The following BTG4 variants were observed in gnomAD, a reference collection of about 807,000 sequenced individuals.
The protein encoded by BTG4 is protein BTG4.
Under a neutral mutation model 19.3 loss-of-function variants are expected in BTG4, and 10 were observed. The ratio of observed to expected loss-of-function variants is 0.52; its 90% CI spans 0.32 to 0.88. The LOEUF is 0.88. Ranked by LOEUF, BTG4 falls within the 40% of genes least tolerant of loss-of-function variation. The pLI is 0.04. For missense variants in BTG4, 238 were observed against 281.9 expected (o/e 0.84, Z 1.11); for synonymous variants, 91 against 95.7 (o/e 0.95, Z 0.29).
chr11:111,453,947 G>A, the BTG4 span, among the ~76,000 whole-genome samples: 1 of 152,190 alleles, frequency 6.6e-6, no homozygotes. Context: ...TCACAGCATG[G>A]TCCTCAGACA....
At chr11:111,386,296 T>C in the BTG4 span, 1 of 152,196 alleles carries the variant, frequency 6.6e-6, no homozygotes, top group Non-Finnish European at 1.5e-5. Flanking sequence ...TTTAGGGCTA[T>C]AACAATGAAA....
chr11:111,501,042 T>C (rs1052703152), intron 1 of BTG4, among the ~76,000 whole-genome samples: 2 of 151,520 alleles, frequency 1.3e-5, no homozygotes, highest in Non-Finnish European at 2.9e-5. Context: ...ACTCATAAGG[T>C]TGTAATTAAG....
intron 1 of BTG4, 126 bp from the exon 2 acceptor site, chr11:111,498,928 G>T (rs1336302906): frequency 1.6e-5 from 10 of 637,210 alleles, no homozygotes; most frequent in East Asian, 3.0e-5. Flanking sequence ...CTAGAAAGAA[G>T]TCCTTAGTAA....
intron 1 of BTG4, among the ~76,000 whole-genome samples, chr11:111,508,827 T>C (rs1866646696): frequency 6.7e-6 from 1 of 150,068 alleles, no homozygotes; most frequent in African/African-American, 2.4e-5. Context: ...TTAAGATATA[T>C]TCATATTACA....
At chr11:111,433,309 T>G in the BTG4 span, among the ~76,000 whole-genome samples, 1 of 152,194 alleles carries the variant, frequency 6.6e-6, no homozygotes, top group African/African-American at 2.4e-5. Flanking sequence ...AGGGAAAGGA[T>G]TCCCTATTTA....
At chr11:111,474,491 T>C (rs575859995) in intron 5 of BTG4, among the ~76,000 whole-genome samples, 1 of 152,316 alleles carries the variant, frequency 6.6e-6, no homozygotes, top group African/African-American at 2.4e-5. Context: ...TTCATTCACA[T>C]TGTGGGAGGT....
At chr11:111,513,671 T>G (rs924162558), upstream of BTG4, among the ~76,000 whole-genome samples, 3 of 152,176 alleles carry the variant, frequency 2.0e-5, no homozygotes, top group Non-Finnish European at 4.4e-5. Context: ...ATGTAATGTG[T>G]ATGTATGTGG....
Position 111,495,999 on chromosome 11 carries a change from G to A in BTG4, c.511-685C>T, listed in dbSNP as rs1865704981. Among the ~76,000 whole-genome samples, 3 of 152,102 alleles carry A rather than the reference G, an allele frequency of 2.0e-5. No homozygotes were observed. In the South Asian group the frequency reaches 6.2e-4, roughly 32 times the overall value. Reference sequence around the variant, plus strand: ...ATGACACACATAGTTTAAAAAACTAGGGACAAAACATTTGCCAGAAATATG... The same window carrying A: ...ATGACACACATAGTTTAAAAAACTAAGGACAAAACATTTGCCAGAAATATG... On this transcript the variant is annotated intron_variant, in intron 4 of 4. Transcript: ENST00000692032.
At chr11:111,479,802 A>T (rs895812295) in intron 5 of BTG4, among the ~76,000 whole-genome samples, 5 of 152,148 alleles carry the variant, frequency 3.3e-5, no homozygotes, top group Admixed American at 6.6e-5. Flanking sequence ...GGCAAGTTAC[A>T]TACATATAAT....
intron 5 of BTG4, among the ~76,000 whole-genome samples, chr11:111,484,339 G>C (rs1489260321): frequency 3.3e-5 from 5 of 152,158 alleles, no homozygotes; most frequent in African/African-American, 1.2e-4. Flanking sequence ...TGCTCTAACA[G>C]TATAGTTGCA....
the BTG4 span, chr11:111,456,499 G>T: frequency 2.2e-6 from 1 of 456,362 alleles, no homozygotes; most frequent in African/African-American, 2.0e-5. The surrounding 1 kb of genome is among the most constrained non-coding windows in gnomAD (Gnocchi z 4.2). Context: ...AGCAGGCAAT[G>T]ATTGCTTTCC....
At chr11:111,490,282 A>AAG (rs566038747), downstream of BTG4, among the ~76,000 whole-genome samples, 165 of 151,958 alleles carry the variant, frequency 1.1e-3, no homozygotes, top group African/African-American at 3.8e-3. Context: ...TCAAAAATAA[A>AAG]AAAAATAAAT....
the BTG4 span, among the ~76,000 whole-genome samples, chr11:111,441,434 T>C: frequency 6.6e-6 from 1 of 151,898 alleles, no homozygotes; most frequent in Non-Finnish European, 1.5e-5. Flanking sequence ...TTTATGGGCT[T>C]GGGAACAGAC....
At chr11:111,436,959 G>A in the BTG4 span, among the ~76,000 whole-genome samples, 1 of 152,216 alleles carries the variant, frequency 6.6e-6, no homozygotes, top group Admixed American at 6.5e-5. Context: ...CTGGGGCTGT[G>A]TGGCAAGCAG....
chr11:111,489,203 C>T (rs1865261393), intron 5 of BTG4, among the ~76,000 whole-genome samples: 1 of 151,546 alleles, frequency 6.6e-6, no homozygotes, highest in Non-Finnish European at 1.5e-5. Flanking sequence ...CATCACTAAT[C>T]AGAGAAACAC....
chr11:111,418,495 T>C, the BTG4 span, among the ~76,000 whole-genome samples: 1 of 152,206 alleles, frequency 6.6e-6, no homozygotes, highest in Non-Finnish European at 1.5e-5. Flanking sequence ...GCACCTCCTA[T>C]GCTGCAGTGA....
chr11:111,400,497 A>AG, the BTG4 span, among the ~76,000 whole-genome samples: 1 of 152,226 alleles, frequency 6.6e-6, no homozygotes, highest in African/African-American at 2.4e-5. Flanking sequence ...AACATATTAA[A>AG]TGTCTGAACT....
chr11:111,511,819 T>C (rs538803779), intron 1 of BTG4, among the ~76,000 whole-genome samples: 3 of 152,342 alleles, frequency 2.0e-5, no homozygotes, highest in African/African-American at 7.2e-5. Context: ...TCACCTCCTC[T>C]GGGAACCTTC....
At chr11:111,418,243 G>A in the BTG4 span, 140,226 of 152,292 alleles carry the variant, frequency 0.92, 64,902 homozygotes, top group East Asian at 1. Context: ...ATGGCATCAT[G>A]AAGCTGGAAG....
Sources: allele counts gnomAD v4.1 joint callset (sites outside exome capture counted in the v4.1 genomes callset), GRCh38; gene constraint gnomAD v4.1.1; non-coding constraint Gnocchi (gnomAD v3.1); transcripts MANE v1.5; gene names NCBI Gene and HGNC (gene_info 2026-07-23, HGNC 2026-07-21).